RAMP1: variants seen among roughly 807,000 people sequenced by gnomAD.
RAMP1 encodes receptor activity modifying protein 1, also known as receptor activity-modifying protein 1.
A neutral mutation model predicts 8.2 loss-of-function variants in RAMP1; 7 were observed. The ratio of observed to expected loss-of-function variants is 0.85; its 90% CI spans 0.49 to 1.60. The LOEUF is 1.60. Ranked by LOEUF, RAMP1 falls within the 40% of genes most tolerant of loss-of-function variation. The pLI, the probability that RAMP1 is intolerant of heterozygous loss-of-function variation, is 0.00. For synonymous variants in RAMP1, 92 were observed against 84.7 expected (o/e 1.09, Z -0.47); for missense variants, 192 against 202.4 (o/e 0.95, Z 0.31).
chr2:237,877,205 A>C lies in RAMP1; in HGVS notation c.53-19A>C. ...CTCTGCTGCCGCCCGCCATCTCTTC[A>C]TGGCCGTGTCTATTTCAGCCCATCA... is the stretch of plus-strand genomic sequence containing the variant. On this transcript the variant is annotated intron_variant, in intron 1 of 2. Transcript: ENST00000254661. This position sits in a 1 kb window ranked among gnomAD's most constrained non-coding sequence, Gnocchi z 4.4. 2 of 1,613,484 alleles carry C rather than the reference A, an allele frequency of 1.2e-6. No individual in the cohort carries two copies. Among genetic ancestry groups the C allele is most frequent in the Non-Finnish European group, 1.7e-6 (2 of 1,179,970 alleles).
chr2:237,863,268 G>C (rs2062149372), intron 1 of RAMP1, among the ~76,000 whole-genome samples: 1 of 152,174 alleles, frequency 6.6e-6, no homozygotes, highest in Admixed American at 6.5e-5. Context: ...CACTGCCCCA[G>C]CCCACCAGTT....
intron 1 of RAMP1, among the ~76,000 whole-genome samples, chr2:237,873,297 A>AC (rs2062264670): frequency 6.6e-6 from 1 of 152,250 alleles, no homozygotes; most frequent in Non-Finnish European, 1.5e-5. Context: ...TGTGGCACAG[A>AC]CCAAACATGG....
intron 1 of RAMP1, among the ~76,000 whole-genome samples, chr2:237,876,424 G>A (rs72976062): frequency 0.12 from 17,966 of 152,226 alleles, 1,129 homozygotes; most frequent in Middle Eastern, 0.24. Context: ...GGGCCAGGCC[G>A]GTAGGGGTGG....
At position 237,865,362 on chromosome 2, in the gene RAMP1, G is replaced by T. The variant is rs1382440114; in HGVS notation, c.52+5635G>T. 6.8e-6 allele frequency among the ~76,000 whole-genome samples: 1 copy of T among 146,798 alleles called. No individual in the cohort carries two copies. On this transcript the variant is annotated intron_variant, in intron 1 of 2. Coordinates refer to ENST00000254661, the MANE Select transcript of RAMP1 (RefSeq NM_005855.4). This position sits in a 1 kb window ranked among gnomAD's most constrained non-coding sequence, Gnocchi z 4.2. ...GGAGGGCAGGGGAGTAGAGAGGAGA[G>T]TGCAGGGGAGGGGAGATGACACCCC...
chr2:237,878,153 C>T lies in RAMP1; in HGVS notation c.191+791C>T. The T allele has an allele frequency of 3.0e-6, 3 of 985,444 alleles. No homozygotes were observed. The highest frequency in any genetic ancestry group is 2.4e-6 in the Non-Finnish European group (2 of 829,934). The allele number at this position is 985,444 out of a possible 1,614,324, so 61.0% of individuals were successfully genotyped here. A position where few individuals can be genotyped will look rare whatever the true frequency, so the allele number is the denominator to read the frequency against. On this transcript the variant is annotated intron_variant, in intron 2 of 2. Transcript: ENST00000254661. The surrounding 1 kb of genome is among the most constrained non-coding windows in gnomAD (Gnocchi z 5.7). ...GTGCATGCGTGGAGCTGAAGGCCAC[C>T]GCCTCCCTGCCATGCAAACTTCGCA...
chr2:237,885,605 G>A (rs1396223110), intron 2 of RAMP1, among the ~76,000 whole-genome samples: 1 of 152,224 alleles, frequency 6.6e-6, no homozygotes, highest in African/African-American at 2.4e-5. Flanking sequence ...AGGACAGATG[G>A]CAGTGCCCAG....
chr2:237,911,826 G>A lies in RAMP1; in HGVS notation c.*43G>A. 6.4e-7 allele frequency: 1 copy of A among 1,550,720 alleles called. No individual in the cohort carries two copies. Among genetic ancestry groups the A allele is most frequent in the Non-Finnish European group, 8.7e-7 (1 of 1,145,134 alleles). ...CGCGGGTGCACCCAGGCTGCAGGGT[G>A]AGGCCAGGCAGGCCTGGGTAGGGGC... On this transcript the variant is annotated 3_prime_UTR_variant, in exon 3 of 3. Transcript: ENST00000254661.
chr2:237,899,159 C>T (rs564117272), intron 2 of RAMP1, among the ~76,000 whole-genome samples: 67 of 152,262 alleles, frequency 4.4e-4, no homozygotes, highest in African/African-American at 1.5e-3. Context: ...CAACCTCCGC[C>T]TCCCGGGTTC....
At chr2:237,887,674 C>T (rs1326173889) in intron 2 of RAMP1, among the ~76,000 whole-genome samples, 1 of 152,226 alleles carries the variant, frequency 6.6e-6, no homozygotes, top group Admixed American at 6.5e-5. Flanking sequence ...CACAGTGGCT[C>T]ACACCTGCAA....
rs2062330320 is a variant in RAMP1 at position 237,878,297 on chromosome 2, G to T, written c.191+935G>T. ...TGGGGACTGGTGGGGAGGGCCAGGG[G>T]CAGGGAGGAGGGCCTCGGGAGGGTC... On this transcript the variant is annotated intron_variant, in intron 2 of 2. Coordinates refer to ENST00000254661, the MANE Select transcript of RAMP1 (RefSeq NM_005855.4). The surrounding 1 kb of genome is among the most constrained non-coding windows in gnomAD (Gnocchi z 5.7). 6.6e-6 allele frequency among the ~76,000 whole-genome samples: 1 copy of T among 152,248 alleles called. No individual in the cohort carries two copies. Among genetic ancestry groups the T allele is most frequent in the African/African-American group, 2.4e-5 (1 of 41,478 alleles).
chr2:237,908,012 G>C (rs145396595), intron 2 of RAMP1, among the ~76,000 whole-genome samples: 1 of 152,200 alleles, frequency 6.6e-6, no homozygotes, highest in Non-Finnish European at 1.5e-5. Flanking sequence ...CTGGGTTTGG[G>C]ATTTGTCATT....
Position 237,886,310 on chromosome 2 carries a change from A to G in RAMP1, c.191+8948A>G, listed in dbSNP as rs187391127. ...TCTGCTGGTTTTCAGCACTGGAGAA[A>G]TAAACCAGGGCTCAGAGTCCTTGGC... is the stretch of plus-strand genomic sequence containing the variant. On this transcript the variant is annotated intron_variant, in intron 2 of 2. Transcript: ENST00000254661. Among the ~76,000 whole-genome samples the G allele has an allele frequency of 6.6e-5, 10 of 152,318 alleles. No homozygotes were observed. The East Asian group carries it at 1.9e-3, about 29-fold the overall frequency.
intron 2 of RAMP1, among the ~76,000 whole-genome samples, chr2:237,884,356 G>T (rs979032225): frequency 1.3e-4 from 20 of 152,136 alleles, no homozygotes; most frequent in African/African-American, 4.3e-4. Flanking sequence ...ATTTGAGGAG[G>T]TATAGAAAAC....
At chr2:237,905,792 C>T (rs1356964819) in intron 2 of RAMP1, among the ~76,000 whole-genome samples, 2 of 152,106 alleles carry the variant, frequency 1.3e-5, no homozygotes, top group Admixed American at 1.3e-4. Context: ...GGGTAGATCA[C>T]CTGAGGTCAG....
chr2:237,863,772 T>C (rs1313983328), intron 1 of RAMP1, among the ~76,000 whole-genome samples: 1 of 151,044 alleles, frequency 6.6e-6, no homozygotes, highest in East Asian at 2.0e-4. Context: ...CGTTCTCAGC[T>C]CTCTCGGTGA....
At chr2:237,907,299 T>C (rs1177929595) in intron 2 of RAMP1, among the ~76,000 whole-genome samples, 1 of 152,208 alleles carries the variant, frequency 6.6e-6, no homozygotes, top group Non-Finnish European at 1.5e-5. Flanking sequence ...CTGCTTTGTT[T>C]TCTGTCCTGC....
chr2:237,904,257 CA>C (rs111978335), intron 2 of RAMP1, among the ~76,000 whole-genome samples: 12,343 of 145,494 alleles, frequency 0.085, 572 homozygotes, highest in African/African-American at 0.12. Flanking sequence ...ACTAAAAATA[CA>C]AAAAAAAAAA....
intron 1 of RAMP1, among the ~76,000 whole-genome samples, chr2:237,861,423 T>A (rs1211506984): frequency 2.0e-5 from 3 of 152,250 alleles, no homozygotes; most frequent in Non-Finnish European, 4.4e-5. Flanking sequence ...TAGCCAGGTC[T>A]CCTTGGTGAT....
At chr2:237,902,313 G>T (rs1380673603) in intron 2 of RAMP1, among the ~76,000 whole-genome samples, 2 of 144,114 alleles carry the variant, frequency 1.4e-5, no homozygotes, top group Non-Finnish European at 3.0e-5. Flanking sequence ...GAGGGGCTGG[G>T]AGGAGGAGGG....
Sources: gnomAD v4.1 joint callset for allele counts (sites outside exome capture counted in the v4.1 genomes callset) on GRCh38, gnomAD v4.1.1 for gene constraint, Gnocchi (gnomAD v3.1) non-coding constraint, MANE v1.5 for transcripts, NCBI Gene and HGNC (gene_info 2026-07-23, HGNC 2026-07-21) for gene names.